Variants in OR51B5 observed in about 807,000 individuals in gnomAD.
The protein encoded by OR51B5 is olfactory receptor 51B5.
For synonymous variants in OR51B5, 186 were observed against 144.8 expected (o/e 1.28, Z -2.04); for missense variants, 456 against 374.6 (o/e 1.22, Z -1.79).
At chr11:5,418,739 G>A (rs1424175157) in intron 1 of OR51B5, among the ~76,000 whole-genome samples, 1 of 150,994 alleles carries the variant, frequency 6.6e-6, no homozygotes, top group Non-Finnish European at 1.5e-5. Flanking sequence ...GGGATGGGGG[G>A]TTAGGGGAGG....
chr11:5,443,703 A>G (rs149991299), intron 1 of OR51B5, among the ~76,000 whole-genome samples: 1 of 152,102 alleles, frequency 6.6e-6, no homozygotes, highest in Non-Finnish European at 1.5e-5. Context: ...GCAACTTTGA[A>G]AACTTTTCCT....
In OR51B5 at chr11:5,422,797, G is replaced by A. The variant is rs548124179; in HGVS notation, n.85-75887C>T. Reference sequence around the variant, plus strand: ...GTGCTGACATCAGGCTCAACAGCTGGTATGGATTTGCTCTTGCCTTGCTCA... The same window carrying A: ...GTGCTGACATCAGGCTCAACAGCTGATATGGATTTGCTCTTGCCTTGCTCA... On this transcript the variant is annotated intron_variant and non_coding_transcript_variant, in intron 1 of 4. Coordinates refer to the OR51B5 transcript ENST00000415970. The A allele has an allele frequency of 1.5e-5, 25 of 1,614,122 alleles. 1 individual carries two copies. In the South Asian group the frequency reaches 2.6e-4, roughly 17 times the overall value.
chr11:5,487,908 C>A (rs79961542), intron 1 of OR51B5, among the ~76,000 whole-genome samples: 1 of 152,150 alleles, frequency 6.6e-6, no homozygotes, highest in Non-Finnish European at 1.5e-5. Context: ...TATATTCAAT[C>A]ATGATATGAA....
At chr11:5,359,417 C>T (rs1284357494) in intron 1 of OR51B5, among the ~76,000 whole-genome samples, 1 of 130,220 alleles carries the variant, frequency 7.7e-6, no homozygotes, top group Non-Finnish European at 1.7e-5. Context: ...AATAAAATAC[C>T]TAGGAATCCA....
At chr11:5,358,702 T>G (rs146447593) in intron 1 of OR51B5, among the ~76,000 whole-genome samples, 2,253 of 152,056 alleles carry the variant, frequency 0.015, 58 homozygotes, top group African/African-American at 0.052. Flanking sequence ...AAAGAGAATT[T>G]TAGACCAATA....
At chr11:5,486,347 G>A (rs572339364) in intron 1 of OR51B5, among the ~76,000 whole-genome samples, 25 of 152,024 alleles carry the variant, frequency 1.6e-4, no homozygotes, top group South Asian at 8.3e-4. Context: ...GCTCTTTCAC[G>A]GCAGGGATTT....
At chr11:5,419,337 T>C (rs996128144) in intron 1 of OR51B5, among the ~76,000 whole-genome samples, 2 of 152,172 alleles carry the variant, frequency 1.3e-5, no homozygotes, top group East Asian at 3.8e-4. Context: ...TTTAAGAACA[T>C]AGTGGTAATG....
intron 1 of OR51B5, among the ~76,000 whole-genome samples, chr11:5,475,615 CAG>C (rs1851293798): frequency 6.6e-6 from 1 of 152,156 alleles, no homozygotes; most frequent in South Asian, 2.1e-4. Flanking sequence ...TAACATCTTG[CAG>C]AGTTATGATT....
At chr11:5,494,914 C>T (rs1166767641) in intron 1 of OR51B5, among the ~76,000 whole-genome samples, 1 of 152,146 alleles carries the variant, frequency 6.6e-6, no homozygotes, top group East Asian at 1.9e-4. Flanking sequence ...ACCAAAGGTT[C>T]AGGGACATTT....
chr11:5,367,677 T>C (rs1304807293), intron 1 of OR51B5, among the ~76,000 whole-genome samples: 1 of 152,184 alleles, frequency 6.6e-6, no homozygotes, highest in Admixed American at 6.5e-5. Flanking sequence ...TGACTGAGAA[T>C]GCCTAACTTT....
intron 1 of OR51B5, chr11:5,453,383 G>A (rs1369010604): frequency 4.1e-6 from 3 of 740,526 alleles, no homozygotes; most frequent in East Asian, 2.8e-5. Flanking sequence ...CAACATCATC[G>A]CTTTGTCTCT....
At chr11:5,504,158 G>A (rs968344661) in intron 1 of OR51B5, among the ~76,000 whole-genome samples, 1 of 151,904 alleles carries the variant, frequency 6.6e-6, no homozygotes, top group African/African-American at 2.4e-5. Flanking sequence ...AAAAAATATG[G>A]GCATGTGTTT....
chr11:5,351,545 C>G, intron 1 of OR51B5: 1 of 1,613,652 alleles, frequency 6.2e-7, no homozygotes, highest in Non-Finnish European at 8.5e-7. Context: ...TTCCAGCTTA[C>G]TGGCTTCCCA....
In OR51B5 at chr11:5,480,458, A is replaced by C. The variant is rs1330651352; in HGVS notation, n.84+25111T>G. 2.0e-5 allele frequency among the ~76,000 whole-genome samples: 3 copies of C among 150,700 alleles called. No individual in the cohort carries two copies. In the East Asian group the frequency reaches 5.9e-4, roughly 30 times the overall value. On this transcript the variant is annotated intron_variant and non_coding_transcript_variant, in intron 1 of 4. Coordinates refer to the OR51B5 transcript ENST00000415970. Reference sequence around the variant, plus strand: ...TCACAATTAAAAGAACTAGAAAAGCAAGAGCAAACACATTCAAAAGCTAGC... The same window carrying C: ...TCACAATTAAAAGAACTAGAAAAGCCAGAGCAAACACATTCAAAAGCTAGC...
At chr11:5,433,418 T>TTTTATA (rs1414108038) in intron 1 of OR51B5, among the ~76,000 whole-genome samples, 14 of 152,230 alleles carry the variant, frequency 9.2e-5, no homozygotes, top group Non-Finnish European at 1.9e-4. Context: ...CTGAATTACT[T>TTTTATA]CCAATCACCA....
intron 1 of OR51B5, among the ~76,000 whole-genome samples, chr11:5,381,380 C>T (rs971742077): frequency 6.6e-6 from 1 of 152,164 alleles, no homozygotes; most frequent in Non-Finnish European, 1.5e-5. Context: ...CCCACATTCA[C>T]TTCACCTAAT....
intron 1 of OR51B5, among the ~76,000 whole-genome samples, chr11:5,464,668 T>G (rs962748425): frequency 2.6e-5 from 4 of 152,178 alleles, no homozygotes; most frequent in East Asian, 1.9e-4. Flanking sequence ...TGCCACATTT[T>G]CTTAATTCAG....
At chr11:5,369,355 C>A (rs994569784) in intron 1 of OR51B5, among the ~76,000 whole-genome samples, 1 of 151,972 alleles carries the variant, frequency 6.6e-6, no homozygotes, top group African/African-American at 2.4e-5. Context: ...ATACTATTAA[C>A]AATAATATTT....
chr11:5,351,775 A>G, intron 1 of OR51B5: 1 of 1,614,000 alleles, frequency 6.2e-7, no homozygotes, highest in Non-Finnish European at 8.5e-7. Flanking sequence ...TCACAGGGAG[A>G]TTGGCCATGG....
Sources: gnomAD v4.1 joint callset for allele counts (sites outside exome capture counted in the v4.1 genomes callset) on GRCh38, gnomAD v4.1.1 for gene constraint, MANE v1.5 for transcripts, NCBI Gene and HGNC (gene_info 2026-07-23, HGNC 2026-07-21) for gene names.